The following ZBTB17 variants were observed in gnomAD, a reference collection of about 807,000 sequenced individuals.
ZBTB17 encodes the protein zinc finger and BTB domain-containing protein 17.
Under a neutral mutation model 85.1 loss-of-function variants are expected in ZBTB17, and 24 were observed. The observed-to-expected ratio is 0.28, with a 90% CI of 0.20 to 0.40. The LOEUF is 0.40. Ranked by LOEUF, ZBTB17 falls within the 10% of genes least tolerant of loss-of-function variation. ZBTB17 has a pLI of 1.00. For synonymous variants in ZBTB17, 464 were observed against 460.2 expected, an observed-to-expected ratio of 1.01 and a Z score of -0.11; for missense variants, 743 against 1,105.1, an observed-to-expected ratio of 0.67 and a Z score of 4.65.
chr1:15,970,252 A>C, intron 2 of ZBTB17: 1 of 425,536 alleles, frequency 2.3e-6, no homozygotes, highest in Non-Finnish European at 4.3e-6. Flanking sequence ...GGTGAGGAGG[A>C]CAAAGGCGAG....
At chr1:15,963,318 A>C (rs2072324417) in intron 2 of ZBTB17, among the ~76,000 whole-genome samples, 2 of 152,234 alleles carry the variant, frequency 1.3e-5, no homozygotes, top group Admixed American at 1.3e-4. Flanking sequence ...AATGCATTAA[A>C]GATTGGGAAT....
chr1:15,960,706 G>A (rs1451462164), intron 2 of ZBTB17, among the ~76,000 whole-genome samples: 1 of 152,226 alleles, frequency 6.6e-6, no homozygotes, highest in East Asian at 1.9e-4. Flanking sequence ...AATCACAAAG[G>A]AAGGGCCGGA....
intron 1 of ZBTB17, among the ~76,000 whole-genome samples, chr1:15,974,794 T>C (rs901707729): frequency 6.6e-6 from 1 of 152,144 alleles, no homozygotes; most frequent in Non-Finnish European, 1.5e-5. Context: ...CAGGCTGGTC[T>C]CGAACTCCTG....
Position 15,943,878 on chromosome 1 carries a change from G to A in ZBTB17, c.1389C>T (p.Ala463=), listed in dbSNP as rs1392174183. The A allele has an allele frequency of 6.2e-7, 1 of 1,605,530 alleles. No individual in the cohort carries two copies. Among genetic ancestry groups the A allele is most frequent in the African/African-American group, 1.3e-5 (1 of 74,728 alleles). The part of the protein sequence containing the change: ...KKFNQVGNLK[A]HLKIHIADGP... The stretch of plus-strand genomic sequence containing the variant: ...CGTCAGCGATGTGGATCTTCAGGTG[G>A]GCCTTCAGGTTCCCTACCTGTGCCC... The change falls in exon 10 of 16, where the codon GCC becomes GCT. Residue 463 remains alanine, a synonymous_variant. Coordinates refer to ENST00000375743, the MANE Select transcript of ZBTB17 (RefSeq NM_003443.3).
rs751508963 is a variant in ZBTB17 at position 15,947,065 on chromosome 1, G to A, written c.264C>T (p.Asn88=). Reference sequence around the variant, plus strand: ...TGGCCACGGCCAGCACATCATCCACGTTCTCAGGGCTCAGGCTCAGCTTGG... The same window carrying A: ...TGGCCACGGCCAGCACATCATCCACATTCTCAGGGCTCAGGCTCAGCTTGG... ...YTAKLSLSPE[N]VDDVLAVATF... The change falls in exon 4 of 16, where the codon AAC becomes AAT. Residue 88 remains asparagine (N), a synonymous_variant. Transcript: ENST00000375743. The A allele has an allele frequency of 9.3e-6, 15 of 1,613,940 alleles. No homozygotes were observed. Among genetic ancestry groups the A allele is most frequent in the Admixed American group, 5.0e-5 (3 of 60,004 alleles).
chr1:15,944,196 C>T (rs905672374), intron 9 of ZBTB17, 104 bp downstream of exon 9: 13 of 1,465,188 alleles, frequency 8.9e-6, no homozygotes, highest in Admixed American at 2.0e-5. Flanking sequence ...TGATGAGCTC[C>T]TGGAGGCCGG....
chr1:15,954,481 C>T (rs1390294794), intron 2 of ZBTB17, among the ~76,000 whole-genome samples: 1 of 152,158 alleles, frequency 6.6e-6, no homozygotes. Context: ...CTTGAGGAAC[C>T]TAAGGGCAGG....
At chr1:15,969,995 G>A in intron 2 of ZBTB17, 1 of 855,504 alleles carries the variant, frequency 1.2e-6, no homozygotes, top group African/African-American at 1.7e-5. Flanking sequence ...TACAAAATAT[G>A]TTCGATGGAT....
chr1:15,944,653 G>T (rs1278924593), intron 8 of ZBTB17, 44 bp downstream of exon 8: 1 of 1,602,010 alleles, frequency 6.2e-7, no homozygotes. Flanking sequence ...GTGAAAGGCC[G>T]GGCCTGGCAG....
chr1:15,948,595 G>T, intron 2 of ZBTB17, 98 bp from the exon 3 acceptor site: 1 of 1,294,468 alleles, frequency 7.7e-7, no homozygotes, highest in Non-Finnish European at 1.1e-6. Context: ...CCATGGAGAA[G>T]ACAGAATTAA....
Position 15,968,493 on chromosome 1 carries a change from T to C in ZBTB17, c.-3+4546A>G, listed in dbSNP as rs571453529. Reference sequence around the variant, plus strand: ...CATAATTGAGGTGAAAATGTGTTAATAGAGATCAAAAACAGGATGCTAAGA... The same window carrying C: ...CATAATTGAGGTGAAAATGTGTTAACAGAGATCAAAAACAGGATGCTAAGA... On this transcript the variant is annotated intron_variant, in intron 2 of 15. Transcript: ENST00000375743. Among the ~76,000 whole-genome samples the C allele has an allele frequency of 9.9e-5, 15 of 152,046 alleles. No individual in the cohort carries two copies. In the South Asian group the frequency reaches 1.7e-3, roughly 17 times the overall value.
intron 2 of ZBTB17, among the ~76,000 whole-genome samples, chr1:15,949,610 G>A (rs2071754180): frequency 6.6e-6 from 1 of 152,250 alleles, no homozygotes; most frequent in Non-Finnish European, 1.5e-5. Context: ...CTTCTGGGCA[G>A]GTGAGAGGGA....
intron 2 of ZBTB17, among the ~76,000 whole-genome samples, chr1:15,968,899 A>G (rs1158612173): frequency 2.0e-5 from 3 of 152,158 alleles, no homozygotes; most frequent in Admixed American, 2.0e-4. Context: ...GGTAAGTAAC[A>G]TTTCATAAAT....
Position 15,944,597 on chromosome 1 carries a change from A to T in ZBTB17, c.1074T>A (p.Pro358=). 1 of 1,599,288 alleles carries T rather than the reference A, an allele frequency of 6.3e-7. No individual in the cohort carries two copies. The highest frequency in any genetic ancestry group is 8.5e-7 in the Non-Finnish European group (1 of 1,179,498). Residue 358 remains proline (P), a synonymous_variant, in exon 9 of 16, where the codon CCT becomes CCA. Transcript: ENST00000375743. ...ACKAHEKTHS[P]LKPYGCEECG... ...ACTCCTCGCAGCCGTAGGGCTTCAG[A>T]GGGCTGCAGGGCCAGAAGGCGACAG... is the stretch of plus-strand genomic sequence containing the variant.
At chr1:15,944,208 G>T (rs767048802) in intron 9 of ZBTB17, 92 bp downstream of exon 9, 1 of 1,496,692 alleles carries the variant, frequency 6.7e-7, no homozygotes, top group South Asian at 1.2e-5. Flanking sequence ...GGAGGCCGGG[G>T]CTGTGCTCCC....
chr1:15,975,954 C>G, intron 1 of ZBTB17, 29 bp downstream of exon 1: 1 of 699,318 alleles, frequency 1.4e-6, no homozygotes, highest in Non-Finnish European at 2.6e-6. Context: ...CCGGGACTTC[C>G]CCGGCCCCGG....
Position 15,942,651 on chromosome 1 carries a change from C to T in ZBTB17, c.1916G>A (p.Gly639Asp). ...LRSHVKTVHQGKAGIKILEPE... is the reference protein window; with the variant it reads ...LRSHVKTVHQDKAGIKILEPE... ...CTCCAGGATCTTGATGCCTGCCTTG[C>T]CCTGGTGCACGGTCTTCACGTGGGA... Residue 639 changes from glycine (G) to aspartate (D), a missense_variant, in exon 14 of 16, where the codon GGC (glycine) becomes GAC (aspartate). This residue lies in a region of ZBTB17 where 321 missense variants were observed against 615.7 expected (regional missense o/e 0.52). Transcript: ENST00000375743. 2 of 1,613,714 alleles carry T rather than the reference C, an allele frequency of 1.2e-6. No individual in the cohort carries two copies. The highest frequency in any genetic ancestry group is 1.7e-6 in the Non-Finnish European group (2 of 1,180,036).
chr1:15,946,693 C>A (rs1339148878), intron 4 of ZBTB17, among the ~76,000 whole-genome samples: 2 of 152,226 alleles, frequency 1.3e-5, no homozygotes, highest in Non-Finnish European at 2.9e-5. Context: ...AGAACAGACC[C>A]GCAGGAGGGT....
intron 2 of ZBTB17, among the ~76,000 whole-genome samples, chr1:15,962,413 T>C (rs1363670073): frequency 1.3e-5 from 2 of 152,026 alleles, no homozygotes; most frequent in Non-Finnish European, 2.9e-5. Context: ...ACAGCAGCCA[T>C]GAAGGGAGTC....
Sources: gnomAD v4.1 joint callset for allele counts (sites outside exome capture counted in the v4.1 genomes callset) on GRCh38, gnomAD v4.1.1 for gene constraint, gnomAD v4.1.1 regional missense constraint, MANE v1.5 for transcripts, NCBI Gene and HGNC (gene_info 2026-07-23, HGNC 2026-07-21) for gene names.